SGCZ: variants seen among roughly 807,000 people sequenced by gnomAD.
SGCZ encodes the protein sarcoglycan zeta, also known as zeta-sarcoglycan.
A neutral mutation model predicts 41.3 loss-of-function variants in SGCZ; 40 were observed. That is an observed-to-expected ratio of 0.97 (90% CI 0.75 to 1.26). SGCZ has a LOEUF of 1.26. SGCZ is among the 50% of genes most tolerant of loss of function. The pLI, the probability that SGCZ is intolerant of heterozygous loss-of-function variation, is 0.00. For synonymous variants in SGCZ, 206 were observed against 137.5 expected, an observed-to-expected ratio of 1.50 and a Z score of -3.49; for missense variants, 552 against 369.8, an observed-to-expected ratio of 1.49 and a Z score of -4.04.
intron 1 of SGCZ, among the ~76,000 whole-genome samples, chr8:14,739,624 G>C (rs1354837402): frequency 6.6e-6 from 1 of 151,924 alleles, no homozygotes; most frequent in African/African-American, 2.4e-5. Context: ...TCTTTGTTTT[G>C]TATTAGTCTT....
chr8:15,039,237 T>C (rs557521999), intron 1 of SGCZ, among the ~76,000 whole-genome samples: 32 of 152,236 alleles, frequency 2.1e-4, no homozygotes, highest in South Asian at 6.2e-4. Context: ...AAAGTGTCAA[T>C]TGATGGATGG....
chr8:14,901,762 G>T (rs912107118), intron 1 of SGCZ, among the ~76,000 whole-genome samples: 1 of 152,054 alleles, frequency 6.6e-6, no homozygotes, highest in African/African-American at 2.4e-5. Context: ...CTACAAATCA[G>T]ACTTAACAGA....
chr8:14,513,438 G>T (rs1185542282), intron 2 of SGCZ, among the ~76,000 whole-genome samples: 2 of 117,788 alleles, frequency 1.7e-5, no homozygotes, highest in Non-Finnish European at 3.7e-5. Context: ...CAACTCACAA[G>T]TCCATAGAGT....
chr8:15,019,517 A>G (rs1803172672), intron 1 of SGCZ, among the ~76,000 whole-genome samples: 1 of 152,074 alleles, frequency 6.6e-6, no homozygotes, highest in Non-Finnish European at 1.5e-5. Context: ...CACCTGATTG[A>G]TAAATCTAGG....
At chr8:14,262,209 T>C (rs918771603) in intron 3 of SGCZ, among the ~76,000 whole-genome samples, 1 of 152,124 alleles carries the variant, frequency 6.6e-6, no homozygotes, top group Non-Finnish European at 1.5e-5. Flanking sequence ...TAAAAACACA[T>C]ATATTAACAG....
intron 3 of SGCZ, among the ~76,000 whole-genome samples, chr8:14,245,208 C>T (rs1000795148): frequency 2.0e-5 from 3 of 152,098 alleles, no homozygotes; most frequent in African/African-American, 7.2e-5. Context: ...TTTGCCCATT[C>T]AGTATGATAT....
chr8:14,407,631 T>C (rs930037658), intron 2 of SGCZ, among the ~76,000 whole-genome samples: 3 of 152,334 alleles, frequency 2.0e-5, no homozygotes, highest in African/African-American at 7.2e-5. Flanking sequence ...ATAACTGTTG[T>C]ATGCTAATCC....
chr8:14,398,709 A>C (rs886392809), intron 2 of SGCZ, among the ~76,000 whole-genome samples: 22 of 152,302 alleles, frequency 1.4e-4, no homozygotes, highest in African/African-American at 5.3e-4. Context: ...CCTGATTTAC[A>C]GAAATAACAT....
rs1198539384 is a variant in SGCZ at position 14,402,575 on chromosome 8, G to C, written c.235-78371C>G. 4.9e-5 allele frequency among the ~76,000 whole-genome samples: 7 copies of C among 143,806 alleles called. 1 individual carries two copies. Among genetic ancestry groups the C allele is most frequent in the Admixed American group, 4.7e-4 (7 of 14,912 alleles). The allele number at this position is 143,806 out of a possible 152,430, so 94.3% of individuals were successfully genotyped here. A position where few individuals can be genotyped will look rare whatever the true frequency, so the allele number is the denominator to read the frequency against. On this transcript the variant is annotated intron_variant, in intron 2 of 7. Coordinates refer to ENST00000382080, the MANE Select transcript of SGCZ (RefSeq NM_139167.4). ...TTTCCCCATTGCTTGCTTTTCTCAG[G>C]TTTGTCAAAGATCAGATAGTTGTAG...
intron 5 of SGCZ, among the ~76,000 whole-genome samples, chr8:14,115,522 A>T (rs1464603298): frequency 2.0e-5 from 3 of 152,026 alleles, no homozygotes; most frequent in Non-Finnish European, 2.9e-5. Context: ...CCACCTTTAC[A>T]TAAAGTCTAG....
chr8:14,463,475 T>C (rs1450913476), intron 2 of SGCZ, among the ~76,000 whole-genome samples: 3 of 148,890 alleles, frequency 2.0e-5, no homozygotes, highest in Non-Finnish European at 4.5e-5. Flanking sequence ...TAATACCATA[T>C]ATAACAAAAT....
chr8:14,568,074 A>C (rs1185278014), intron 1 of SGCZ, among the ~76,000 whole-genome samples: 3 of 144,856 alleles, frequency 2.1e-5, no homozygotes, highest in Non-Finnish European at 4.5e-5. Context: ...GAAACTAAAG[A>C]ACCTTTGCAG....
chr8:14,340,626 AG>A (rs1429225099), intron 2 of SGCZ, among the ~76,000 whole-genome samples: 1 of 152,160 alleles, frequency 6.6e-6, no homozygotes, highest in African/African-American at 2.4e-5. Flanking sequence ...TGAAAAAATG[AG>A]TTTATAGAAT....
chr8:14,504,741 G>A (rs12675509), intron 2 of SGCZ, among the ~76,000 whole-genome samples: 10,874 of 151,952 alleles, frequency 0.072, 596 homozygotes, highest in African/African-American at 0.15. Context: ...CTTCTTTATG[G>A]CACTTCTGCT....
intron 3 of SGCZ, among the ~76,000 whole-genome samples, chr8:14,280,116 A>G (rs1348577620): frequency 1.3e-5 from 2 of 151,998 alleles, no homozygotes; most frequent in African/African-American, 4.8e-5. Flanking sequence ...AATGAAATAT[A>G]CTTTTACAGT....
At position 14,643,693 on chromosome 8, in the gene SGCZ, G is replaced by A. The variant is rs1324795605; in HGVS notation, c.40-88767C>T. Among the ~76,000 whole-genome samples the A allele has an allele frequency of 2.6e-5, 4 of 151,602 alleles. No individual in the cohort carries two copies. In the East Asian group the frequency reaches 7.8e-4, roughly 30 times the overall value. On this transcript the variant is annotated intron_variant, in intron 1 of 7. Transcript: ENST00000382080. Reference sequence around the variant, plus strand: ...GTGTTGATGATAGAAGCATTCCAAGGCACTGAAAAATCAAAGCTTGGAAAT... The same window carrying A: ...GTGTTGATGATAGAAGCATTCCAAGACACTGAAAAATCAAAGCTTGGAAAT...
intron 1 of SGCZ, among the ~76,000 whole-genome samples, chr8:14,808,402 C>T (rs1429964271): frequency 3.9e-5 from 6 of 152,016 alleles, no homozygotes; most frequent in Non-Finnish European, 5.9e-5. Flanking sequence ...AACAAACAAC[C>T]CCATCAAAAA....
At chr8:14,127,190 G>T (rs1465246505) in intron 5 of SGCZ, among the ~76,000 whole-genome samples, 1 of 152,008 alleles carries the variant, frequency 6.6e-6, no homozygotes, top group African/African-American at 2.4e-5. Context: ...ATAAATAAAT[G>T]AGGCTGAATT....
intron 1 of SGCZ, among the ~76,000 whole-genome samples, chr8:14,995,427 C>G (rs1388862676): frequency 6.6e-6 from 1 of 152,108 alleles, no homozygotes; most frequent in Non-Finnish European, 1.5e-5. Context: ...GGAGTTTTCC[C>G]AGATGGTTGC....
Sources: gnomAD v4.1 joint callset for allele counts (sites outside exome capture counted in the v4.1 genomes callset) on GRCh38, gnomAD v4.1.1 for gene constraint, MANE v1.5 for transcripts, NCBI Gene and HGNC (gene_info 2026-07-23, HGNC 2026-07-21) for gene names.